Variants in KIF16B observed in about 807,000 individuals in gnomAD.
The protein encoded by KIF16B is kinesin family member 16B.
KIF16B carries 98 observed loss-of-function variants against 156.3 expected under a neutral mutation model. The observed-to-expected ratio is 0.63, with a 90% confidence interval of 0.53 to 0.74. KIF16B has a LOEUF of 0.74. Among genes scored for constraint, KIF16B ranks in the 30% least tolerant of loss-of-function variants. KIF16B has a pLI of 0.00. For synonymous variants in KIF16B, 564 were observed against 583.7 expected (o/e 0.97, Z 0.49); for missense variants, 1,421 against 1,606.5 (o/e 0.88, Z 1.97).
intron 23 of KIF16B, 56 bp downstream of exon 23, chr20:16,356,274 A>G: frequency 6.2e-7 from 1 of 1,605,048 alleles, no homozygotes; most frequent in Non-Finnish European, 8.5e-7. Context: ...AAAGACAGAT[A>G]AAGCACTGCA....
At chr20:16,403,407 T>C (rs2065705034) in intron 17 of KIF16B, among the ~76,000 whole-genome samples, 1 of 152,218 alleles carries the variant, frequency 6.6e-6, no homozygotes, top group Non-Finnish European at 1.5e-5. Flanking sequence ...GTACTTACCA[T>C]TTAGTTGCTC....
chr20:16,433,213 T>C (rs999032448), intron 12 of KIF16B, among the ~76,000 whole-genome samples: 1 of 152,164 alleles, frequency 6.6e-6, no homozygotes, highest in Non-Finnish European at 1.5e-5. Flanking sequence ...CTCTGAACTG[T>C]GACCAAACTG....
At chr20:16,363,946 G>A (rs1231400860) in intron 22 of KIF16B, among the ~76,000 whole-genome samples, 1 of 152,192 alleles carries the variant, frequency 6.6e-6, no homozygotes. Flanking sequence ...TGGAAATTGT[G>A]TAACTAAATT....
intron 25 of KIF16B, among the ~76,000 whole-genome samples, chr20:16,280,958 T>C (rs557068666): frequency 6.6e-6 from 1 of 152,166 alleles, no homozygotes; most frequent in South Asian, 2.1e-4. Context: ...CCTTCTATTT[T>C]AATTATCAGG....
At chr20:16,380,187 T>A in intron 18 of KIF16B, 24 bp from the exon 19 acceptor site, 1 of 1,477,638 alleles carries the variant, frequency 6.8e-7, no homozygotes, top group East Asian at 2.4e-5. Context: ...CACTGACTGG[T>A]TGTTATCTGG....
At chr20:16,364,821 A>G (rs1050811252) in intron 22 of KIF16B, among the ~76,000 whole-genome samples, 2 of 152,204 alleles carry the variant, frequency 1.3e-5, no homozygotes, top group Non-Finnish European at 2.9e-5. Flanking sequence ...GCCTTCTTAG[A>G]TCATAAAGCA....
chr20:16,303,421 T>C (rs2063499734), intron 25 of KIF16B, among the ~76,000 whole-genome samples: 1 of 152,234 alleles, frequency 6.6e-6, no homozygotes, highest in South Asian at 2.1e-4. Context: ...TCCTGAAAAC[T>C]AGTTGTTCTT....
intron 1 of KIF16B, among the ~76,000 whole-genome samples, chr20:16,566,161 G>A (rs1678068007): frequency 6.6e-6 from 1 of 152,194 alleles, no homozygotes; most frequent in Admixed American, 6.5e-5. Context: ...TCAGGGCTTT[G>A]TTTATAAGTT....
chr20:16,302,727 A>G (rs554541022), intron 25 of KIF16B, among the ~76,000 whole-genome samples: 2 of 152,338 alleles, frequency 1.3e-5, no homozygotes, highest in African/African-American at 4.8e-5. Flanking sequence ...ATATTTTGTT[A>G]GATTTATAAA....
chr20:16,570,117 C>G (rs1386645556), intron 1 of KIF16B, among the ~76,000 whole-genome samples: 1 of 152,168 alleles, frequency 6.6e-6, no homozygotes, highest in East Asian at 1.9e-4. Context: ...GCATAATAAT[C>G]CACCAAATGA....
At chr20:16,290,019 G>A (rs959624836) in intron 25 of KIF16B, among the ~76,000 whole-genome samples, 2 of 152,140 alleles carry the variant, frequency 1.3e-5, no homozygotes, top group African/African-American at 4.8e-5. Flanking sequence ...TCTCAAAAGT[G>A]CCATTTGGAA....
chr20:16,442,224 A>T (rs1369168283), intron 12 of KIF16B, among the ~76,000 whole-genome samples: 1 of 152,064 alleles, frequency 6.6e-6, no homozygotes, highest in Non-Finnish European at 1.5e-5. Context: ...ATGATGATAT[A>T]TTGTATTCTT....
chr20:16,453,555 T>G (rs111549909), intron 12 of KIF16B, among the ~76,000 whole-genome samples: 1 of 151,870 alleles, frequency 6.6e-6, no homozygotes, highest in Non-Finnish European at 1.5e-5. Context: ...ATATTTACAA[T>G]ATATATTACT....
At chr20:16,342,804 C>T (rs1204082146) in intron 23 of KIF16B, among the ~76,000 whole-genome samples, 2 of 152,132 alleles carry the variant, frequency 1.3e-5, no homozygotes, top group African/African-American at 4.8e-5. Context: ...ATGAGTATCA[C>T]CAGCAATCAC....
At chr20:16,367,837 AG>A in intron 22 of KIF16B, 1 of 1,606,858 alleles carries the variant, frequency 6.2e-7, no homozygotes, top group Non-Finnish European at 8.5e-7. Context: ...CTGTTGAGAG[AG>A]GTATTTGTTG....
chr20:16,573,324 G>GCGGTCGC lies in KIF16B; in HGVS notation c.-56_-50dup. 6.3e-7 allele frequency: 1 copy of GCGGTCGC among 1,595,736 alleles called. No homozygotes were observed. Among genetic ancestry groups the GCGGTCGC allele is most frequent in the Non-Finnish European group, 8.5e-7 (1 of 1,169,822 alleles). ...CGGGGTCCCACTAGCCCAGAACTCC[G>GCGGTCGC]CGGTCGCCGGCGACGCTGGCTACTC... On this transcript the variant is annotated 5_prime_UTR_variant, in exon 1 of 26. Coordinates refer to ENST00000354981, the MANE Select transcript of KIF16B (RefSeq NM_024704.5).
intron 16 of KIF16B, among the ~76,000 whole-genome samples, chr20:16,405,637 C>G (rs937842647): frequency 6.6e-6 from 1 of 152,108 alleles, no homozygotes; most frequent in Non-Finnish European, 1.5e-5. Context: ...CCCCATTTGC[C>G]GGCTACAGAA....
intron 24 of KIF16B, among the ~76,000 whole-genome samples, chr20:16,326,230 T>A (rs532367494): frequency 6.6e-6 from 1 of 151,930 alleles, no homozygotes; most frequent in Non-Finnish European, 1.5e-5. Flanking sequence ...CTTCTGGACA[T>A]TGGTTTAGGC....
At chr20:16,550,290 A>T (rs2070590735) in intron 1 of KIF16B, among the ~76,000 whole-genome samples, 2 of 151,034 alleles carry the variant, frequency 1.3e-5, no homozygotes, top group Non-Finnish European at 1.5e-5. Context: ...AATCAAAACC[A>T]CTATGAGATA....
Sources: gnomAD v4.1 joint callset for allele counts (sites outside exome capture counted in the v4.1 genomes callset) on GRCh38, gnomAD v4.1.1 for gene constraint, MANE v1.5 for transcripts, NCBI Gene and HGNC (gene_info 2026-07-23, HGNC 2026-07-21) for gene names.